The following PARD3 variants were observed in gnomAD, a reference collection of about 807,000 sequenced individuals.
PARD3 encodes the protein partitioning defective 3 homolog.
PARD3 carries 75 observed loss-of-function variants against 155.4 expected under a neutral mutation model. The observed-to-expected ratio is 0.48, with a 90% confidence interval of 0.40 to 0.58. The LOEUF is 0.58. Among genes scored for constraint, PARD3 ranks in the 20% least tolerant of loss-of-function variants. PARD3 has a pLI of 0.00. For missense variants in PARD3, 1,642 were observed against 1,721.7 expected (o/e 0.95, Z 0.82); for synonymous variants, 576 against 610.5 (o/e 0.94, Z 0.83).
intron 22 of PARD3, among the ~76,000 whole-genome samples, chr10:34,145,222 T>TATATATATA (rs1491495958): frequency 7.5e-5 from 3 of 40,158 alleles, no homozygotes; most frequent in African/African-American, 4.1e-4. Context: ...TATATATATA[T>TATATATATA]TTTTTTTTTT....
intron 14 of PARD3, among the ~76,000 whole-genome samples, chr10:34,351,476 C>T (rs905204646): frequency 2.0e-5 from 3 of 152,198 alleles, no homozygotes; most frequent in South Asian, 2.1e-4. Context: ...AAAATATTAG[C>T]TTCCAGAGGA....
intron 22 of PARD3, among the ~76,000 whole-genome samples, chr10:34,212,772 T>C (rs1476327317): frequency 6.6e-6 from 1 of 152,042 alleles, no homozygotes; most frequent in Admixed American, 6.5e-5. Context: ...AACCCTTACA[T>C]TGAGGATGAA....
At chr10:34,288,856 A>C (rs907109636) in intron 20 of PARD3, among the ~76,000 whole-genome samples, 3 of 152,234 alleles carry the variant, frequency 2.0e-5, no homozygotes, top group Non-Finnish European at 4.4e-5. Flanking sequence ...TTCAAAGAGA[A>C]AACTTTACTA....
At chr10:34,149,005 C>T (rs539149766) in intron 22 of PARD3, among the ~76,000 whole-genome samples, 1 of 152,032 alleles carries the variant, frequency 6.6e-6, no homozygotes, top group African/African-American at 2.4e-5. Flanking sequence ...TTATAAATGT[C>T]TAAGAAGACA....
intron 3 of PARD3, among the ~76,000 whole-genome samples, chr10:34,485,376 T>G (rs2079385657): frequency 6.6e-6 from 1 of 151,846 alleles, no homozygotes. Flanking sequence ...AGGTTAAAGA[T>G]ATGCCCCCAA....
At chr10:34,701,297 T>C (rs2094271672) in intron 1 of PARD3, among the ~76,000 whole-genome samples, 1 of 152,074 alleles carries the variant, frequency 6.6e-6, no homozygotes, top group Admixed American at 6.6e-5. Context: ...TTTTATTTCC[T>C]ACTGAAAGCC....
intron 20 of PARD3, among the ~76,000 whole-genome samples, chr10:34,289,697 T>C (rs139410545): frequency 1.3e-5 from 2 of 152,306 alleles, no homozygotes; most frequent in Non-Finnish European, 2.9e-5. Context: ...AGAGCAGAAT[T>C]GATTCTAACA....
At chr10:34,135,069 T>A (rs1386715819) in intron 22 of PARD3, among the ~76,000 whole-genome samples, 1 of 152,082 alleles carries the variant, frequency 6.6e-6, no homozygotes, top group East Asian at 1.9e-4. Context: ...GTGTGAGAAA[T>A]ATAATAAAAA....
intron 22 of PARD3, among the ~76,000 whole-genome samples, chr10:34,217,374 C>A (rs1407632681): frequency 1.3e-5 from 2 of 152,096 alleles, no homozygotes; most frequent in Non-Finnish European, 2.9e-5. Flanking sequence ...GGGTACATAT[C>A]ATTTTCTACC....
intron 2 of PARD3, among the ~76,000 whole-genome samples, chr10:34,528,720 C>T (rs929322660): frequency 2.0e-5 from 3 of 152,120 alleles, no homozygotes; most frequent in African/African-American, 7.2e-5. Context: ...AGACTTTATC[C>T]TGAAAACTGC....
At chr10:34,811,413 C>G (rs1418678101) in intron 1 of PARD3, among the ~76,000 whole-genome samples, 1 of 152,192 alleles carries the variant, frequency 6.6e-6, no homozygotes, top group Non-Finnish European at 1.5e-5. Flanking sequence ...ACCCCAACTG[C>G]AGACCTCAGA....
At chr10:34,684,489 G>C (rs184893619) in intron 2 of PARD3, among the ~76,000 whole-genome samples, 2 of 152,080 alleles carry the variant, frequency 1.3e-5, no homozygotes, top group East Asian at 3.9e-4. Flanking sequence ...CCCATCCCTA[G>C]TCTGGCAACC....
At chr10:34,360,358 G>T in intron 12 of PARD3, 99 bp from the exon 13 acceptor site, 1 of 780,638 alleles carries the variant, frequency 1.3e-6, no homozygotes, top group Non-Finnish European at 2.1e-6. Context: ...AATCATAAGA[G>T]GCAAAATATT....
At chr10:34,324,825 C>T (rs979330688) in intron 19 of PARD3, among the ~76,000 whole-genome samples, 1 of 152,134 alleles carries the variant, frequency 6.6e-6, no homozygotes. Context: ...ACAGTTTCTT[C>T]CTTTGCTCTG....
chr10:34,177,992 A>G (rs1029481874), intron 22 of PARD3, among the ~76,000 whole-genome samples: 1 of 152,246 alleles, frequency 6.6e-6, no homozygotes, highest in Non-Finnish European at 1.5e-5. Context: ...TATTGCAGGA[A>G]AACATAACCT....
At chr10:34,617,384 G>T (rs1245264676) in intron 2 of PARD3, among the ~76,000 whole-genome samples, 1 of 152,204 alleles carries the variant, frequency 6.6e-6, no homozygotes, top group Non-Finnish European at 1.5e-5. Flanking sequence ...ATTACAGCTA[G>T]ATAGGAAGAA....
chr10:34,286,938 T>C (rs960261378), intron 20 of PARD3, among the ~76,000 whole-genome samples: 5 of 152,152 alleles, frequency 3.3e-5, no homozygotes, highest in Non-Finnish European at 7.3e-5. Context: ...GGGGAGGTCA[T>C]GGACGTTAGG....
At chr10:34,397,521 A>T (rs530313285) in intron 7 of PARD3, among the ~76,000 whole-genome samples, 2 of 152,362 alleles carry the variant, frequency 1.3e-5, no homozygotes, top group East Asian at 3.8e-4. Context: ...GCAAAGACAT[A>T]CTTGTTTTCT....
intron 5 of PARD3, among the ~76,000 whole-genome samples, chr10:34,441,388 T>G (rs1032713548): frequency 9.9e-5 from 15 of 152,218 alleles, no homozygotes; most frequent in African/African-American, 2.4e-5. Context: ...GGGTATGATT[T>G]TCCCCATTTT....
Sources: allele counts gnomAD v4.1 joint callset (sites outside exome capture counted in the v4.1 genomes callset), GRCh38; gene constraint gnomAD v4.1.1; transcripts MANE v1.5; gene names NCBI Gene and HGNC (gene_info 2026-07-23, HGNC 2026-07-21).